HUWE1: variants seen among roughly 807,000 people sequenced by gnomAD.
HUWE1 encodes E3 ubiquitin-protein ligase HUWE1.
Under a neutral mutation model 299.4 loss-of-function variants are expected in HUWE1, and 18 were observed. The ratio of observed to expected loss-of-function variants is 0.06; its 90% CI spans 0.04 to 0.09. HUWE1 has a LOEUF of 0.09. Ranked by LOEUF, HUWE1 falls within the 10% of genes least tolerant of loss-of-function variation. The pLI is 1.00. For synonymous variants in HUWE1, 1,317 were observed against 1,286.1 expected, an observed-to-expected ratio of 1.02 and a Z score of -0.51; for missense variants, 1,832 against 3,462.3, an observed-to-expected ratio of 0.53 and a Z score of 11.82.
At position 53,547,967 on chromosome X, in the gene HUWE1, G is replaced by A; in HGVS notation, c.10342C>T (p.Leu3448Phe). ...LSHPVIRRSS[L>F]LTEKLLRLLS... is the part of the protein sequence containing the mutation. ...AGTCTGAGGAGTTTCTCAGTTAAGAGAGAGCTCCGGCGGATGACTGGGTGT... is the reference window on the plus strand; with the variant it reads ...AGTCTGAGGAGTTTCTCAGTTAAGAAAGAGCTCCGGCGGATGACTGGGTGT... The change falls in exon 68 of 84, where the codon CTC becomes TTC. Residue 3448 changes from leucine (L) to phenylalanine (F), a missense_variant. Leu to Phe is a conservative substitution (Grantham distance 22). This residue lies in a region of HUWE1 where 119 missense variants were observed against 124.6 expected (regional missense o/e 0.96). Coordinates refer to ENST00000262854, the MANE Select transcript of HUWE1 (RefSeq NM_031407.7). The A allele has an allele frequency of 8.3e-7, 1 of 1,211,208 alleles. No homozygotes were observed. The highest frequency in any genetic ancestry group is 1.1e-6 in the Non-Finnish European group (1 of 895,119).
chrX:53,663,205 T>C (rs1476269053), intron 3 of HUWE1, among the ~76,000 whole-genome samples: 1 of 112,044 alleles, frequency 8.9e-6, no homozygotes, highest in Non-Finnish European at 1.9e-5. Context: ...AAATGGTATG[T>C]GTAAAAACCT....
At chrX:53,552,032 C>CCCCT (rs2061787976) in intron 63 of HUWE1, among the ~76,000 whole-genome samples, 1 of 111,620 alleles carries the variant, frequency 9.0e-6, no homozygotes, top group African/African-American at 3.3e-5. Context: ...ATATCATCAC[C>CCCCT]CCCTCGGTAT....
intron 3 of HUWE1, among the ~76,000 whole-genome samples, chrX:53,657,159 TCAAA>T (rs1212251237): frequency 8.9e-6 from 1 of 112,101 alleles, no homozygotes; most frequent in African/African-American, 3.2e-5. Flanking sequence ...CAGTGAAAAG[TCAAA>T]CAATCTCAGT....
chrX:53,629,472 C>T (rs1557020865), intron 13 of HUWE1, 44 bp downstream of exon 13: 2 of 884,549 alleles, frequency 2.3e-6, no homozygotes, highest in South Asian at 2.0e-5. Flanking sequence ...ACTTCTGGTC[C>T]CAAGTGTTAC....
intron 78 of HUWE1, 105 bp from the exon 79 acceptor site, chrX:53,536,772 T>C (rs782587859): frequency 1.6e-5 from 12 of 727,557 alleles, no homozygotes; most frequent in South Asian, 7.0e-5. Context: ...GGGAGTGCAG[T>C]GTCAGATGAA....
chrX:53,572,318 G>C (rs1003099618), intron 47 of HUWE1, among the ~76,000 whole-genome samples: 1 of 111,890 alleles, frequency 8.9e-6, no homozygotes, highest in African/African-American at 3.3e-5. Context: ...AAAGAACAAG[G>C]AGGGCAGCTT....
chrX:53,588,037 T>C (rs1040679138), intron 37 of HUWE1, among the ~76,000 whole-genome samples: 1 of 111,971 alleles, frequency 8.9e-6, no homozygotes, highest in Non-Finnish European at 1.9e-5. Flanking sequence ...GCAAAAAATA[T>C]TCTATGACCA....
chrX:53,578,897 G>GT, intron 43 of HUWE1, among the ~76,000 whole-genome samples: 1 of 77,802 alleles, frequency 1.3e-5, no homozygotes, highest in Non-Finnish European at 2.5e-5. Context: ...CGTCCGGGAG[G>GT]GAGGTGGGGG....
rs782606768 is a variant in HUWE1, at chrX:53,627,496, C to T, written c.1403G>A (p.Arg468Gln). ...CTTGATCACAAACGGACATTCTTTT[C>T]GGCACAAATCTACTTCATGCTACAA... ...YRLEHEVDLC[R>Q]KECPFVIKPK... The change falls in exon 17 of 84, where the codon CGA (arginine) becomes CAA (glutamine). Residue 468 changes from arginine to glutamine, a missense_variant. Transcript: ENST00000262854. The T allele has an allele frequency of 2.6e-5, 31 of 1,185,314 alleles. No homozygotes were observed. The highest frequency in any genetic ancestry group is 3.4e-5 in the Non-Finnish European group (30 of 875,538).
rs782457378 is a variant in HUWE1, at chrX:53,599,153, T to C, written c.3163+965A>G. Among the ~76,000 whole-genome samples, 15 of 112,072 alleles carry C rather than the reference T, an allele frequency of 1.3e-4. No homozygotes were observed. In the South Asian group the frequency reaches 5.5e-3, roughly 41 times the overall value. ...AAAGAGAAACAGTATATGGACTGGG[T>C]TCACACAGAAACCTCTGAATGCTCC... is the stretch of plus-strand genomic sequence containing the variant. On this transcript the variant is annotated intron_variant, in intron 29 of 83. Transcript: ENST00000262854.
Position 53,625,091 on chromosome X carries a change from T to C in HUWE1, c.1591+66A>G, listed in dbSNP as rs1038505721. 7 of 700,027 alleles carry C rather than the reference T, an allele frequency of 1.0e-5. No homozygotes were observed. The African/African-American group carries it at 1.3e-4, about 13-fold the overall frequency. The allele number at this position is 700,027 out of a possible 1,213,427, so 57.7% of individuals were successfully genotyped here. ...TGTAAAACAACAGGTGCCAGAATAGTATGAAAAGAACCAATCTTTGAGAGA... is the reference window on the plus strand; with the variant it reads ...TGTAAAACAACAGGTGCCAGAATAGCATGAAAAGAACCAATCTTTGAGAGA... On this transcript the variant is annotated intron_variant, in intron 18 of 83. Coordinates refer to ENST00000262854, the MANE Select transcript of HUWE1 (RefSeq NM_031407.7).
chrX:53,648,763 T>C (rs2068262216), intron 4 of HUWE1, among the ~76,000 whole-genome samples: 1 of 111,552 alleles, frequency 9.0e-6, no homozygotes, highest in Non-Finnish European at 1.9e-5. Context: ...GAATTCACAA[T>C]TAAAGGTGAA....
chrX:53,533,449 G>A, intron 83 of HUWE1, 38 bp from the exon 84 acceptor site: 2 of 989,322 alleles, frequency 2.0e-6, no homozygotes, highest in Non-Finnish European at 2.9e-6. Flanking sequence ...GGTGAGGGAT[G>A]ACAGATAACC....
At chrX:53,556,260 T>C (rs1277087629) in intron 60 of HUWE1, 1 of 346,686 alleles carries the variant, frequency 2.9e-6, no homozygotes, top group South Asian at 2.6e-5. Flanking sequence ...GTAAGTTGTA[T>C]AGTTATCTTC....
intron 15 of HUWE1, among the ~76,000 whole-genome samples, chrX:53,628,227 C>T (rs782607153): frequency 1.9e-4 from 21 of 111,102 alleles, no homozygotes; most frequent in African/African-American, 6.5e-4. Context: ...GGCATGATAA[C>T]ATGTGGCAAT....
At chrX:53,656,024 TG>T (rs2068725738) in intron 3 of HUWE1, among the ~76,000 whole-genome samples, 1 of 111,367 alleles carries the variant, frequency 9.0e-6, no homozygotes, top group African/African-American at 3.3e-5. Flanking sequence ...TCCCAGAGGA[TG>T]GGCGCAGTGG....
intron 17 of HUWE1, among the ~76,000 whole-genome samples, chrX:53,626,567 T>TA (rs35740708): frequency 9.0e-6 from 1 of 111,487 alleles, no homozygotes; most frequent in East Asian, 2.8e-4. Context: ...TGAATATGCA[T>TA]AAAAAAGCCT....
intron 63 of HUWE1, 72 bp from the exon 64 acceptor site, chrX:53,551,552 C>T: frequency 2.0e-6 from 2 of 983,152 alleles, no homozygotes; most frequent in Non-Finnish European, 1.4e-6. Flanking sequence ...TGGTCTGTTG[C>T]CCAGGCTGGA....
Position 53,548,953 on chromosome X carries a change from C to T in HUWE1, c.10035+6G>A, listed in dbSNP as rs782009073. 104 of 1,186,964 alleles carry T rather than the reference C, an allele frequency of 8.8e-5. No individual in the cohort carries two copies. The South Asian group carries it at 1.8e-3, about 20-fold the overall frequency. On this transcript the variant is annotated splice_donor_region_variant and intron_variant, in intron 67 of 83. Transcript: ENST00000262854. ...CATCCCCAGGAGTTGGGTTTGAAAC[C>T]CTCACCTTGGCCAATTGAATGAGTG... is the stretch of plus-strand genomic sequence containing the variant.
Sources: allele counts gnomAD v4.1 joint callset (sites outside exome capture counted in the v4.1 genomes callset), GRCh38; gene constraint gnomAD v4.1.1; regional missense constraint gnomAD v4.1.1; transcripts MANE v1.5; gene names NCBI Gene and HGNC (gene_info 2026-07-23, HGNC 2026-07-21).